The following OR1J2 variants were observed in gnomAD, a reference collection of about 807,000 sequenced individuals.
OR1J2 encodes the protein olfactory receptor family 1 subfamily J member 2.
For missense variants in OR1J2, 304 were observed against 246.1 expected (o/e 1.24, Z -1.57); for synonymous variants, 142 against 99.7 (o/e 1.42, Z -2.52).
At chr9:122,550,657 C>A in the OR1J2 span, among the ~76,000 whole-genome samples, 3 of 151,410 alleles carry the variant, frequency 2.0e-5, no homozygotes, top group Non-Finnish European at 4.4e-5. Context: ...ACCTTATAAT[C>A]ATCTCAATAG....
chr9:122,548,201 C>T, the OR1J2 span, among the ~76,000 whole-genome samples: 1 of 152,094 alleles, frequency 6.6e-6, no homozygotes, highest in Admixed American at 6.6e-5. Flanking sequence ...CACTTACATA[C>T]TGAATTAAAT....
the OR1J2 span, among the ~76,000 whole-genome samples, chr9:122,545,250 T>A: frequency 6.6e-6 from 1 of 152,150 alleles, no homozygotes; most frequent in Non-Finnish European, 1.5e-5. Context: ...TCTCTATGGT[T>A]TATGTTGGTG....
the OR1J2 span, among the ~76,000 whole-genome samples, chr9:122,574,590 T>G: frequency 6.6e-6 from 1 of 151,396 alleles, no homozygotes; most frequent in Non-Finnish European, 1.5e-5. Context: ...AATTTTTTTG[T>G]CAATTCTTTT....
chr9:122,552,749 A>AGTGTGTGTGTGTGTGT, the OR1J2 span, among the ~76,000 whole-genome samples: 488 of 129,728 alleles, frequency 3.8e-3, 4 homozygotes, highest in South Asian at 7.1e-3. Context: ...AGAGGGCTTG[A>AGTGTGTGTGTGTGTGT]GTGTGTGTGT....
the OR1J2 span, among the ~76,000 whole-genome samples, chr9:122,498,301 C>CA: frequency 1.3e-5 from 2 of 152,070 alleles, no homozygotes. Context: ...TATGTAATCC[C>CA]AAGGACTTTG....
the OR1J2 span, among the ~76,000 whole-genome samples, chr9:122,503,927 A>G: frequency 6.6e-6 from 1 of 152,172 alleles, no homozygotes; most frequent in African/African-American, 2.4e-5. Context: ...CCACAAACAT[A>G]TATGGCCAAT....
the OR1J2 span, among the ~76,000 whole-genome samples, chr9:122,522,702 G>A: frequency 6.6e-6 from 1 of 152,116 alleles, no homozygotes; most frequent in African/African-American, 2.4e-5. Flanking sequence ...TTTATAGATT[G>A]TGCCCCTCAG....
the OR1J2 span, among the ~76,000 whole-genome samples, chr9:122,571,678 T>TGCACTCCAGCCTGGCGACA: frequency 6.7e-6 from 1 of 149,800 alleles, no homozygotes; most frequent in African/African-American, 2.5e-5. Flanking sequence ...ATTGCACCAC[T>TGCACTCCAGCCTGGCGACA]GCACTCCAGC....
the OR1J2 span, among the ~76,000 whole-genome samples, chr9:122,539,255 C>CTA: frequency 2.0e-5 from 3 of 152,142 alleles, no homozygotes; most frequent in Non-Finnish European, 4.4e-5. Context: ...TCTCCTAATG[C>CTA]TATCCTTCCC....
At chr9:122,551,370 T>C in the OR1J2 span, among the ~76,000 whole-genome samples, 11 of 152,216 alleles carry the variant, frequency 7.2e-5, no homozygotes, top group Non-Finnish European at 1.3e-4. Flanking sequence ...TATGAGGCAC[T>C]ATGGCTGGTG....
At chr9:122,493,199 G>A in the OR1J2 span, among the ~76,000 whole-genome samples, 1 of 152,048 alleles carries the variant, frequency 6.6e-6, no homozygotes, top group Admixed American at 6.5e-5. Context: ...TTTGGTATTA[G>A]GGTGATACTG....
the OR1J2 span, among the ~76,000 whole-genome samples, chr9:122,535,270 C>T: frequency 6.6e-6 from 1 of 151,964 alleles, no homozygotes; most frequent in Non-Finnish European, 1.5e-5. Flanking sequence ...GGTTCCTGCC[C>T]CTCCCCCAGA....
the OR1J2 span, among the ~76,000 whole-genome samples, chr9:122,552,746 T>TTGAG: frequency 1.6e-4 from 14 of 89,840 alleles, no homozygotes; most frequent in African/African-American, 5.3e-4. Context: ...CAAAGAGGGC[T>TTGAG]TGAGTGTGTG....
the OR1J2 span, among the ~76,000 whole-genome samples, chr9:122,468,206 C>G: frequency 6.6e-6 from 1 of 152,150 alleles, no homozygotes; most frequent in Non-Finnish European, 1.5e-5. Flanking sequence ...TAAAGAAAAA[C>G]TGCAGTGAGT....
chr9:122,553,072 G>T, the OR1J2 span: 10 of 830,802 alleles, frequency 1.2e-5, no homozygotes, highest in African/African-American at 1.7e-4. Context: ...GATTCTTATT[G>T]GCAAAGACCA....
At chr9:122,511,824 A>G (rs1828644400), downstream of OR1J2, 5 of 731,480 alleles carry the variant, frequency 6.8e-6, no homozygotes, top group Middle Eastern at 3.7e-4. Context: ...GTCTCAAAAC[A>G]TGTTATGTCC....
the OR1J2 span, among the ~76,000 whole-genome samples, chr9:122,460,992 C>T: frequency 1.3e-5 from 2 of 152,056 alleles, no homozygotes; most frequent in East Asian, 1.9e-4. Flanking sequence ...AATTTATTTA[C>T]CAGTTCTAGG....
At chr9:122,528,361 C>A in the OR1J2 span, among the ~76,000 whole-genome samples, 4 of 152,182 alleles carry the variant, frequency 2.6e-5, no homozygotes, top group African/African-American at 9.7e-5. Context: ...CTTTGGGAGA[C>A]CGAGGCAGGC....
chr9:122,506,967 C>T (rs906284518), upstream of OR1J2, among the ~76,000 whole-genome samples: 1 of 152,144 alleles, frequency 6.6e-6, no homozygotes, highest in Non-Finnish European at 1.5e-5. Flanking sequence ...TTTGGGAAGG[C>T]CTCCTACACT....
Sources: gnomAD v4.1 joint callset for allele counts (sites outside exome capture counted in the v4.1 genomes callset) on GRCh38, gnomAD v4.1.1 for gene constraint, MANE v1.5 for transcripts, NCBI Gene and HGNC (gene_info 2026-07-23, HGNC 2026-07-21) for gene names.